PIEZO2: variants seen among roughly 807,000 people sequenced by gnomAD.
The protein encoded by PIEZO2 is piezo-type mechanosensitive ion channel component 2.
PIEZO2 carries 172 observed loss-of-function variants against 337.3 expected under a neutral mutation model. The ratio of observed to expected loss-of-function variants is 0.51; its 90% CI spans 0.45 to 0.58. The LOEUF is 0.58. Ranked by LOEUF, PIEZO2 falls within the 20% of genes least tolerant of loss-of-function variation. PIEZO2 has a pLI of 0.00. For synonymous variants in PIEZO2, 1,251 were observed against 1,228.5 expected, an observed-to-expected ratio of 1.02 and a Z score of -0.38; for missense variants, 3,028 against 3,391.3, an observed-to-expected ratio of 0.89 and a Z score of 2.66.
At chr18:10,927,926 T>G (rs1164184136) in intron 3 of PIEZO2, among the ~76,000 whole-genome samples, 2 of 152,164 alleles carry the variant, frequency 1.3e-5, no homozygotes, top group Non-Finnish European at 2.9e-5. Context: ...ATAAAATGTG[T>G]AGAAAGAGGG....
At position 10,850,143 on chromosome 18, in the gene PIEZO2, C is replaced by G. The variant is rs1430146341; in HGVS notation, c.917+5210G>C. ...CTCGTGCCACACCTGTGTGCATAAA[C>G]GGAAGGGAATCACTAATTCTCACCC... On this transcript the variant is annotated intron_variant, in intron 7 of 55. Transcript: ENST00000674853. The surrounding 1 kb of genome is among the most constrained non-coding windows in gnomAD (Gnocchi z 4.5). Among the ~76,000 whole-genome samples the G allele has an allele frequency of 6.6e-6, 1 of 152,088 alleles. No individual in the cohort carries two copies. The highest frequency in any genetic ancestry group is 2.4e-5 in the African/African-American group (1 of 41,402).
intron 3 of PIEZO2, among the ~76,000 whole-genome samples, chr18:10,934,171 T>G (rs561209891): frequency 6.6e-6 from 1 of 152,362 alleles, no homozygotes; most frequent in Non-Finnish European, 1.5e-5. Flanking sequence ...CCAATGAGAT[T>G]CCATTAAAGT....
chr18:10,751,053 G>A (rs2037627036), intron 28 of PIEZO2, among the ~76,000 whole-genome samples: 1 of 152,176 alleles, frequency 6.6e-6, no homozygotes, highest in Non-Finnish European at 1.5e-5. Flanking sequence ...CAGGAAGCCT[G>A]TTCCCAGCTT....
At chr18:10,691,953 T>TTATG (rs2034868226) in intron 47 of PIEZO2, among the ~76,000 whole-genome samples, 1 of 151,772 alleles carries the variant, frequency 6.6e-6, no homozygotes, top group African/African-American at 2.4e-5. Context: ...TGTCTATATG[T>TTATG]TATGGGGTTT....
chr18:10,767,196 T>C lies in PIEZO2; in HGVS notation c.2946+2952A>G, dbSNP rs1205098140. 6.6e-6 allele frequency among the ~76,000 whole-genome samples: 1 copy of C among 152,224 alleles called. No homozygotes were observed. The highest frequency in any genetic ancestry group is 1.5e-5 in the Non-Finnish European group (1 of 68,042). ...GGAGAAAATGTTTATGTATACTATATATATATTTAAATCTAGATTATTCCA... is the reference window on the plus strand; with the variant it reads ...GGAGAAAATGTTTATGTATACTATACATATATTTAAATCTAGATTATTCCA... On this transcript the variant is annotated intron_variant, in intron 21 of 55. Coordinates refer to ENST00000674853, the MANE Select transcript of PIEZO2 (RefSeq NM_001378183.1). This position sits in a 1 kb window ranked among gnomAD's most constrained non-coding sequence, Gnocchi z 4.2.
At chr18:10,756,345 A>C (rs905158087) in intron 27 of PIEZO2, among the ~76,000 whole-genome samples, 3 of 143,916 alleles carry the variant, frequency 2.1e-5, no homozygotes, top group Non-Finnish European at 4.6e-5. Flanking sequence ...GAGTAGTAGA[A>C]ATGGGGAATA....
intron 26 of PIEZO2, among the ~76,000 whole-genome samples, chr18:10,758,955 T>C (rs1053920286): frequency 6.6e-6 from 1 of 152,202 alleles, no homozygotes; most frequent in African/African-American, 2.4e-5. Flanking sequence ...GGCAGTCATT[T>C]GCATTTTCTG....
At chr18:10,881,379 A>G (rs2042416287) in intron 4 of PIEZO2, among the ~76,000 whole-genome samples, 1 of 152,196 alleles carries the variant, frequency 6.6e-6, no homozygotes, top group South Asian at 2.1e-4. Flanking sequence ...CTAAAAGGGT[A>G]TACTGGTTAT....
At chr18:10,876,499 T>G (rs1365425491) in intron 4 of PIEZO2, among the ~76,000 whole-genome samples, 1 of 152,216 alleles carries the variant, frequency 6.6e-6, no homozygotes, top group South Asian at 2.1e-4. Flanking sequence ...ATTATACACC[T>G]ACCTTCTCTA....
At chr18:11,073,586 CT>C (rs2038421400) in intron 1 of PIEZO2, among the ~76,000 whole-genome samples, 1 of 151,884 alleles carries the variant, frequency 6.6e-6, no homozygotes, top group Non-Finnish European at 1.5e-5. Flanking sequence ...AAACTAAAAA[CT>C]AAATAAAATA....
chr18:10,677,653 T>C lies in PIEZO2; in HGVS notation c.8081+94A>G. On this transcript the variant is annotated intron_variant, in intron 53 of 55. Transcript: ENST00000674853. The surrounding 1 kb of genome is among the most constrained non-coding windows in gnomAD (Gnocchi z 4.1). ...AACTTTGTGTTACCAAAGAATGAAG[T>C]TGCATTCCTCATACACATGAATCTG... 4.3e-6 allele frequency: 6 copies of C among 1,399,960 alleles called. No individual in the cohort carries two copies. In the South Asian group the frequency reaches 5.1e-5, roughly 12 times the overall value. The allele number at this position is 1,399,960 out of a possible 1,614,324, so 86.7% of individuals were successfully genotyped here.
chr18:10,727,887 A>G lies in PIEZO2; in HGVS notation c.5029+3520T>C, dbSNP rs1311659413. ...TGAGGTGCAGAGCGCCTTTTGTGTA[A>G]GTTACTGGTCAGAATCCTCACTGAG... On this transcript the variant is annotated intron_variant, in intron 36 of 55. Coordinates refer to ENST00000674853, the MANE Select transcript of PIEZO2 (RefSeq NM_001378183.1). The surrounding 1 kb of genome is among the most constrained non-coding windows in gnomAD (Gnocchi z 6.3). 4 of 152,124 alleles carry G rather than the reference A, an allele frequency of 2.6e-5. No individual in the cohort carries two copies. The highest frequency in any genetic ancestry group is 7.2e-5 in the African/African-American group (3 of 41,382). The allele number at this position is 152,124 out of a possible 1,614,324, so 9.4% of individuals were successfully genotyped here.
Position 10,696,392 on chromosome 18 carries a change from C to T in PIEZO2, c.6975G>A (p.Gly2325=), listed in dbSNP as rs1482609767. ...TGCTGTGGCCTTTGCCCCAACCTAC[C>T]CCAAAGGCCCAAAAGCCGAAGACAA... ...IIIVFGFWAF[G]KHSAAADITS... Residue 2325 remains glycine, a splice_region_variant and synonymous_variant, in exon 46 of 56, where the codon GGG becomes GGA. Transcript: ENST00000674853. 1 of 1,614,222 alleles carries T rather than the reference C, an allele frequency of 6.2e-7. No individual in the cohort carries two copies. Among genetic ancestry groups the T allele is most frequent in the Non-Finnish European group, 8.5e-7 (1 of 1,180,040 alleles).
chr18:10,897,202 T>TC (rs2042924839), intron 4 of PIEZO2, among the ~76,000 whole-genome samples: 1 of 151,854 alleles, frequency 6.6e-6, no homozygotes, highest in South Asian at 2.1e-4. Context: ...TTTTTTTTTT[T>TC]CTGAGATGGA....
intron 4 of PIEZO2, among the ~76,000 whole-genome samples, chr18:10,882,836 TTTTTTC>T (rs2042461362): frequency 9.2e-6 from 1 of 108,832 alleles, no homozygotes; most frequent in Admixed American, 1.0e-4. Flanking sequence ...CACATTTTCT[TTTTTTC>T]TTTTTTTTTT....
intron 22 of PIEZO2, 52 bp from the exon 23 acceptor site, chr18:10,762,677 A>C: frequency 6.6e-7 from 1 of 1,518,918 alleles, no homozygotes; most frequent in Non-Finnish European, 8.8e-7. Context: ...AGATTAGGAG[A>C]GCTCAGGTTA....
At chr18:11,106,197 C>T (rs958165683) in intron 1 of PIEZO2, among the ~76,000 whole-genome samples, 2 of 151,994 alleles carry the variant, frequency 1.3e-5, no homozygotes, top group Non-Finnish European at 2.9e-5. Flanking sequence ...CGTCATTCTC[C>T]TGCCTCAGCC....
chr18:10,759,484 A>T lies in PIEZO2; in HGVS notation c.3755T>A (p.Val1252Asp). Residue 1252 changes from valine to aspartate, a missense_variant and splice_region_variant, in exon 26 of 56, where the codon GTC (valine) becomes GAC (aspartate). By Grantham distance (152) the Val-to-Asp change is radical (BLOSUM62 -3). Transcript: ENST00000674853. The surrounding 1 kb of genome is among the most constrained non-coding windows in gnomAD (Gnocchi z 5.5). ...FIVRPNPVFLVYDFMLLLCAS... is the reference protein window; with the variant it reads ...FIVRPNPVFLDYDFMLLLCAS... ...GGCCCTGCAGTGGAAACACTTACAG[A>T]CGAGAAACACAGGGTTGGGCCGCAC... The T allele has an allele frequency of 6.5e-7, 1 of 1,536,266 alleles. No individual in the cohort carries two copies. Among genetic ancestry groups the T allele is most frequent in the Non-Finnish European group, 8.7e-7 (1 of 1,146,356 alleles).
intron 4 of PIEZO2, among the ~76,000 whole-genome samples, chr18:10,905,069 C>T (rs2043141395): frequency 6.6e-6 from 1 of 152,118 alleles, no homozygotes; most frequent in Admixed American, 6.5e-5. Flanking sequence ...TCATTTTTCC[C>T]AGTCATTTCC....
Sources: allele counts gnomAD v4.1 joint callset (sites outside exome capture counted in the v4.1 genomes callset), GRCh38; gene constraint gnomAD v4.1.1; non-coding constraint Gnocchi (gnomAD v3.1); transcripts MANE v1.5; gene names NCBI Gene and HGNC (gene_info 2026-07-23, HGNC 2026-07-21).